The following PAFAH1B1 variants were observed in gnomAD, a reference collection of about 807,000 sequenced individuals.
PAFAH1B1 encodes the protein platelet-activating factor acetylhydrolase IB subunit beta.
PAFAH1B1 carries 2 observed loss-of-function variants against 57.5 expected under a neutral mutation model. That is an observed-to-expected ratio of 0.03 (90% CI 0.01 to 0.11). The LOEUF is 0.11. Ranked by LOEUF, PAFAH1B1 falls within the 10% of genes least tolerant of loss-of-function variation. PAFAH1B1 has a pLI of 1.00. For synonymous variants in PAFAH1B1, 152 were observed against 169.6 expected, an observed-to-expected ratio of 0.90 and a Z score of 0.81; for missense variants, 257 against 512.0, an observed-to-expected ratio of 0.50 and a Z score of 4.81.
chr17:2,666,895 CTACA>C (rs2069113167), intron 4 of PAFAH1B1, 93 bp from the exon 5 acceptor site: 1 of 800,096 alleles, frequency 1.2e-6, no homozygotes, highest in East Asian at 2.6e-5. Context: ...TTCAAGTATC[CTACA>C]TACATAGTTG....
At chr17:2,666,676 C>A (rs1248482426) in intron 4 of PAFAH1B1, among the ~76,000 whole-genome samples, 1 of 152,062 alleles carries the variant, frequency 6.6e-6, no homozygotes, top group African/African-American at 2.4e-5. Context: ...CTTAGAGGGA[C>A]CAAGACAAAT....
chr17:2,654,977 C>G (rs2068918513), intron 2 of PAFAH1B1, among the ~76,000 whole-genome samples: 1 of 141,166 alleles, frequency 7.1e-6, no homozygotes, highest in Non-Finnish European at 1.5e-5. Context: ...TTAAAAGAGA[C>G]AGGGTTCAGG....
chr17:2,627,080 A>G (rs2068503843), intron 1 of PAFAH1B1, among the ~76,000 whole-genome samples: 2 of 152,174 alleles, frequency 1.3e-5, no homozygotes, highest in Admixed American at 1.3e-4. Context: ...TTGCCATCCA[A>G]AAGCTCTTCA....
chr17:2,667,325 C>G, intron 5 of PAFAH1B1, 127 bp downstream of exon 5: 1 of 689,132 alleles, frequency 1.5e-6, no homozygotes. Flanking sequence ...CAGAGCCACA[C>G]TCTGTCTCAA....
chr17:2,608,782 G>C lies in PAFAH1B1; in HGVS notation c.-191+14776G>C, dbSNP rs185490680. Among the ~76,000 whole-genome samples, 4 of 152,290 alleles carry C rather than the reference G, an allele frequency of 2.6e-5. No individual in the cohort carries two copies. In the East Asian group the frequency reaches 7.7e-4, roughly 29 times the overall value. ...TCTAAAAATAAAAAATGATTTGTTT[G>C]TTTTTGCACTGCAGAATTCACCCTT... is the stretch of plus-strand genomic sequence containing the variant. On this transcript the variant is annotated intron_variant, in intron 1 of 10. Transcript: ENST00000397195.
intron 3 of PAFAH1B1, among the ~76,000 whole-genome samples, chr17:2,665,727 G>C (rs974380376): frequency 4.6e-5 from 7 of 151,844 alleles, no homozygotes; most frequent in African/African-American, 1.7e-4. Flanking sequence ...TCAGCCTTCC[G>C]AGTAGCTGGG....
intron 1 of PAFAH1B1, among the ~76,000 whole-genome samples, chr17:2,636,176 T>C (rs761392248): frequency 1.3e-5 from 2 of 152,112 alleles, no homozygotes; most frequent in Non-Finnish European, 2.9e-5. Flanking sequence ...CAAAGAAGTA[T>C]GGTTTACTGG....
rs1174509230 is a variant in PAFAH1B1, at chr17:2,606,146, G to A, written c.-191+12140G>A. Among the ~76,000 whole-genome samples the A allele has an allele frequency of 2.0e-5, 3 of 152,096 alleles. No homozygotes were observed. In the East Asian group the frequency reaches 5.8e-4, roughly 29 times the overall value. Reference sequence around the variant, plus strand: ...TTTTAAAAATGGGTAAATAGGCTTAGGAAATTTGTAGATTTCCCCAAGGTC... The same window carrying A: ...TTTTAAAAATGGGTAAATAGGCTTAAGAAATTTGTAGATTTCCCCAAGGTC... On this transcript the variant is annotated intron_variant, in intron 1 of 10. Coordinates refer to ENST00000397195, the MANE Select transcript of PAFAH1B1 (RefSeq NM_000430.4).
chr17:2,656,323 G>GC (rs2068935943), intron 2 of PAFAH1B1, among the ~76,000 whole-genome samples: 3 of 152,090 alleles, frequency 2.0e-5, no homozygotes, highest in African/African-American at 4.8e-5. Flanking sequence ...GGTGGCATGT[G>GC]CCTGTAGTTC....
intron 1 of PAFAH1B1, among the ~76,000 whole-genome samples, chr17:2,596,539 A>T (rs2068085414): frequency 6.6e-6 from 1 of 152,224 alleles, no homozygotes; most frequent in African/African-American, 2.4e-5. Context: ...AAGCATTCAC[A>T]TGAGTAGACA....
intron 1 of PAFAH1B1, chr17:2,613,807 C>G: frequency 3.5e-6 from 1 of 286,634 alleles, no homozygotes; most frequent in Non-Finnish European, 7.1e-6. Context: ...TGATGCCGGG[C>G]GAGCATCTCC....
intron 1 of PAFAH1B1, among the ~76,000 whole-genome samples, chr17:2,602,216 G>A (rs374606336): frequency 2.0e-5 from 3 of 151,508 alleles, no homozygotes; most frequent in East Asian, 1.9e-4. Flanking sequence ...TCTGTATAAT[G>A]GTATGTCCTT....
At chr17:2,681,344 C>G (rs2069382020) in intron 10 of PAFAH1B1, 2 of 160,920 alleles carry the variant, frequency 1.2e-5, no homozygotes, top group South Asian at 3.5e-4. Flanking sequence ...CTCAACTTCC[C>G]TAACTGAATT....
intron 2 of PAFAH1B1, among the ~76,000 whole-genome samples, chr17:2,652,342 GA>G (rs2068870538): frequency 6.6e-6 from 1 of 152,228 alleles, no homozygotes; most frequent in South Asian, 2.1e-4. Flanking sequence ...GTGAACCCGG[GA>G]GGCGGAGCTT....
chr17:2,594,117 C>T (rs898538818), intron 1 of PAFAH1B1, 111 bp downstream of exon 1: 8 of 396,050 alleles, frequency 2.0e-5, no homozygotes, highest in Non-Finnish European at 2.7e-5. Flanking sequence ...CCCTCCCTCC[C>T]ATTCTCCCCT....
chr17:2,617,757 T>TA (rs1306875313), intron 1 of PAFAH1B1, among the ~76,000 whole-genome samples: 1 of 151,560 alleles, frequency 6.6e-6, no homozygotes, highest in Non-Finnish European at 1.5e-5. Context: ...CTGTCTCTAC[T>TA]AAAAATGCAG....
At chr17:2,618,477 C>A (rs1360037572) in intron 1 of PAFAH1B1, among the ~76,000 whole-genome samples, 4 of 151,990 alleles carry the variant, frequency 2.6e-5, no homozygotes, top group Non-Finnish European at 4.4e-5. Flanking sequence ...AATGAAGTTA[C>A]TCTTACGGAG....
chr17:2,623,460 A>G (rs9902409), intron 1 of PAFAH1B1, among the ~76,000 whole-genome samples: 63,989 of 151,262 alleles, frequency 0.42, 16,094 homozygotes, highest in African/African-American at 0.71. Context: ...GGGTTTCAGC[A>G]TGTTAGCCAG....
At chr17:2,674,475 A>C (rs577683115) in intron 8 of PAFAH1B1, among the ~76,000 whole-genome samples, 187 bp downstream of exon 8, 80 of 152,296 alleles carry the variant, frequency 5.3e-4, no homozygotes, top group African/African-American at 1.9e-3. Flanking sequence ...AGTGATGATT[A>C]TTGCTGTCAG....
Sources: gnomAD v4.1 joint callset for allele counts (sites outside exome capture counted in the v4.1 genomes callset) on GRCh38, gnomAD v4.1.1 for gene constraint, MANE v1.5 for transcripts, NCBI Gene and HGNC (gene_info 2026-07-23, HGNC 2026-07-21) for gene names.